ADGRV1: variants seen among roughly 807,000 people sequenced by gnomAD.
ADGRV1 encodes the protein G-protein coupled receptor 98.
ADGRV1 carries 359 observed loss-of-function variants against 596.2 expected under a neutral mutation model. The observed-to-expected ratio is 0.60, with a 90% confidence interval of 0.55 to 0.66. The LOEUF is 0.66. Among genes scored for constraint, ADGRV1 ranks in the 30% least tolerant of loss-of-function variants. The pLI, the probability that ADGRV1 is intolerant of heterozygous loss-of-function variation, is 0.00. For missense variants in ADGRV1, 7,274 were observed against 7,575.6 expected (o/e 0.96, Z 1.48); for synonymous variants, 2,681 against 2,679.2 (o/e 1.00, Z -0.02).
At chr5:90,879,464 T>G (rs1270177584) in intron 83 of ADGRV1, among the ~76,000 whole-genome samples, 1 of 152,212 alleles carries the variant, frequency 6.6e-6, no homozygotes, top group Non-Finnish European at 1.5e-5. Context: ...GGTTTAAATT[T>G]TTTTAACTTT....
chr5:90,692,622 A>C lies in ADGRV1; in HGVS notation c.6969A>C (p.Leu2323=). 6 of 1,609,342 alleles carry C rather than the reference A, an allele frequency of 3.7e-6. No homozygotes were observed. Among genetic ancestry groups the C allele is most frequent in the Non-Finnish European group, 5.1e-6 (6 of 1,177,998 alleles). ...PEIEEVIQVQ[L]TDASGGGTIG... ...ATTTTTAGGTTATCCAAGTGCAACTAACTGATGCCTCTGGTGGAGGTACTA... is the reference window on the plus strand; with the variant it reads ...ATTTTTAGGTTATCCAAGTGCAACTCACTGATGCCTCTGGTGGAGGTACTA... The change falls in exon 32 of 90, where the codon CTA becomes CTC. Residue 2323 remains leucine (L), a synonymous_variant. Transcript: ENST00000405460.
chr5:90,615,002 G>A lies in ADGRV1; in HGVS notation c.190G>A (p.Val64Ile), dbSNP rs147637160. ...TGAAAGGATAGGAGAGCCAGCAAAT[G>A]TTACTGCAATTGTATCGGTAAGAAA... The part of the protein sequence containing the change: ...IIERIGEPAN[V>I]TAIVSLYGED... The change falls in exon 2 of 90, where the codon GTT becomes ATT. Residue 64 changes from valine (V) to isoleucine (I), a missense_variant. This residue lies in a region of ADGRV1 where 1,715 missense variants were observed against 1,708.8 expected (regional missense o/e 1.00). Coordinates refer to ENST00000405460, the MANE Select transcript of ADGRV1 (RefSeq NM_032119.4). 2 of 1,465,122 alleles carry A rather than the reference G, an allele frequency of 1.4e-6. No individual in the cohort carries two copies. Among genetic ancestry groups the A allele is most frequent in the African/African-American group, 2.8e-5 (2 of 70,542 alleles). 90.8% of individuals were successfully genotyped at this position (1,465,122 alleles called of 1,614,324 possible). A position where few individuals can be genotyped will look rare whatever the true frequency, so the allele number is the denominator to read the frequency against.
chr5:90,847,673 G>A (rs936173927), intron 78 of ADGRV1, among the ~76,000 whole-genome samples: 1 of 152,206 alleles, frequency 6.6e-6, no homozygotes, highest in East Asian at 1.9e-4. Flanking sequence ...CAGGGAGGCA[G>A]CTAAGGCCCG....
intron 83 of ADGRV1, among the ~76,000 whole-genome samples, chr5:90,945,530 C>T (rs2150881401): frequency 6.6e-6 from 1 of 152,272 alleles, no homozygotes; most frequent in Middle Eastern, 3.4e-3. Context: ...CAGCAGATTA[C>T]TATCTTGGGG....
At chr5:91,006,712 A>G (rs1436590882) in intron 85 of ADGRV1, among the ~76,000 whole-genome samples, 6 of 152,236 alleles carry the variant, frequency 3.9e-5, no homozygotes, top group Admixed American at 3.9e-4. Context: ...TTAAATTAAA[A>G]ATAAGTATAT....
intron 89 of ADGRV1, among the ~76,000 whole-genome samples, chr5:91,163,463 AT>A (rs1277680554): frequency 6.6e-6 from 1 of 152,170 alleles, no homozygotes; most frequent in African/African-American, 2.4e-5. Flanking sequence ...CTGATTTTCT[AT>A]TTTGATGAGC....
chr5:90,735,077 T>C (rs1753047773), intron 50 of ADGRV1, among the ~76,000 whole-genome samples: 1 of 152,242 alleles, frequency 6.6e-6, no homozygotes, highest in Non-Finnish European at 1.5e-5. Flanking sequence ...TCGCCTCAAC[T>C]TCTGGAGTCA....
At chr5:90,933,866 G>T (rs1278875320) in intron 83 of ADGRV1, among the ~76,000 whole-genome samples, 1 of 152,112 alleles carries the variant, frequency 6.6e-6, no homozygotes, top group African/African-American at 2.4e-5. Flanking sequence ...TCTGCTAGGT[G>T]GTATGAACAA....
intron 87 of ADGRV1, among the ~76,000 whole-genome samples, chr5:91,145,760 A>AT (rs368348053): frequency 6.6e-6 from 1 of 152,156 alleles, no homozygotes. Flanking sequence ...TTTAAAACAT[A>AT]TTTTTTTAAC....
At chr5:90,720,343 G>T in intron 44 of ADGRV1, 120 bp downstream of exon 44, 1 of 689,782 alleles carries the variant, frequency 1.4e-6, no homozygotes. Context: ...TTTTTAAAAT[G>T]AACTCTAGAA....
intron 83 of ADGRV1, among the ~76,000 whole-genome samples, chr5:90,867,113 G>T (rs1239135170): frequency 6.6e-6 from 1 of 152,060 alleles, no homozygotes; most frequent in Non-Finnish European, 1.5e-5. Flanking sequence ...TAGTGACAAA[G>T]AGCAAGTTTG....
chr5:90,746,287 T>G (rs1668819635), intron 52 of ADGRV1, among the ~76,000 whole-genome samples: 1 of 151,924 alleles, frequency 6.6e-6, no homozygotes, highest in African/African-American at 2.4e-5. Flanking sequence ...ATATGTATGT[T>G]GGACATGTAG....
intron 70 of ADGRV1, among the ~76,000 whole-genome samples, chr5:90,799,541 C>T (rs1487330605): frequency 6.6e-6 from 1 of 152,186 alleles, no homozygotes; most frequent in Admixed American, 6.5e-5. Context: ...CCCCATCAAG[C>T]TACCATTGAC....
intron 83 of ADGRV1, among the ~76,000 whole-genome samples, chr5:90,879,533 A>G (rs149275760): frequency 2.6e-5 from 4 of 152,310 alleles, no homozygotes; most frequent in Non-Finnish European, 4.4e-5. Flanking sequence ...TCAAAGGAAG[A>G]ATGACCTTTT....
intron 9 of ADGRV1, among the ~76,000 whole-genome samples, chr5:90,632,063 G>A (rs1384557889): frequency 6.6e-6 from 1 of 151,948 alleles, no homozygotes; most frequent in African/African-American, 2.4e-5. Flanking sequence ...ATTAGCACTT[G>A]TTTGTCTTCT....
intron 83 of ADGRV1, among the ~76,000 whole-genome samples, chr5:90,915,194 A>G (rs1473520298): frequency 1.3e-5 from 2 of 152,224 alleles, no homozygotes; most frequent in African/African-American, 4.8e-5. Context: ...TCTAAAAGTA[A>G]TCATAGAAAA....
At chr5:90,908,131 G>A (rs1056429237) in intron 83 of ADGRV1, among the ~76,000 whole-genome samples, 74 of 152,138 alleles carry the variant, frequency 4.9e-4, no homozygotes, top group African/African-American at 1.4e-3. Context: ...GATTAAAGGC[G>A]TGAGCCACCG....
chr5:90,960,341 A>G (rs1399619386), intron 83 of ADGRV1, among the ~76,000 whole-genome samples: 2 of 152,116 alleles, frequency 1.3e-5, no homozygotes, highest in Non-Finnish European at 2.9e-5. Context: ...TTGTCTGTCA[A>G]TCATACATCA....
At chr5:90,564,213 A>G (rs1450846674) in intron 1 of ADGRV1, among the ~76,000 whole-genome samples, 2 of 152,216 alleles carry the variant, frequency 1.3e-5, no homozygotes, top group Non-Finnish European at 2.9e-5. Flanking sequence ...AGCTTTTGTT[A>G]CGGTTATAGT....
Sources: gnomAD v4.1 joint callset for allele counts (sites outside exome capture counted in the v4.1 genomes callset) on GRCh38, gnomAD v4.1.1 for gene constraint, gnomAD v4.1.1 regional missense constraint, MANE v1.5 for transcripts, NCBI Gene and HGNC (gene_info 2026-07-23, HGNC 2026-07-21) for gene names.